Variants in BRF1 observed in about 807,000 individuals in gnomAD.
BRF1 encodes the protein BRF1 general transcription factor IIIB subunit.
A neutral mutation model predicts 81.7 loss-of-function variants in BRF1; 59 were observed. The observed-to-expected ratio is 0.72, with a 90% CI of 0.59 to 0.90. The LOEUF (loss-of-function observed/expected upper bound fraction) is 0.90, where lower values mean the gene tolerates loss of function less well. Among genes scored for constraint, BRF1 ranks in the 40% least tolerant of loss-of-function variants. BRF1 has a pLI of 0.00. For missense variants in BRF1, 1,050 were observed against 936.3 expected, an observed-to-expected ratio of 1.12 and a Z score of -1.58; for synonymous variants, 491 against 395.6, an observed-to-expected ratio of 1.24 and a Z score of -2.86.
In BRF1 at chr14:105,210,225, C is replaced by T. The variant is rs1889911098; in HGVS notation, c.*326G>A. The stretch of plus-strand genomic sequence containing the variant: ...GGACCAGCAGTGGGGCTGCCCCAAG[C>T]CTGTTTCCTTAATAGTAGCAACACC... On this transcript the variant is annotated 3_prime_UTR_variant, in exon 18 of 18. Transcript: ENST00000547530. The surrounding 1 kb of genome is among the most constrained non-coding windows in gnomAD (Gnocchi z 4.7). 3 of 391,308 alleles carry T rather than the reference C, an allele frequency of 7.7e-6. No homozygotes were observed. Among genetic ancestry groups the T allele is most frequent in the African/African-American group, 4.1e-5 (2 of 48,336 alleles). The allele number at this position is 391,308 out of a possible 1,614,324, so 24.2% of individuals were successfully genotyped here. A position where few individuals can be genotyped will look rare whatever the true frequency, so the allele number is the denominator to read the frequency against.
At chr14:105,292,857 A>C (rs1427975496) in intron 1 of BRF1, among the ~76,000 whole-genome samples, 2 of 151,158 alleles carry the variant, frequency 1.3e-5, no homozygotes, top group East Asian at 1.9e-4. Flanking sequence ...CCCCTTCCCC[A>C]GGCCCACATC....
rs908011002 is a variant in BRF1 at position 105,223,453 on chromosome 14, G to A, written c.1049-1539C>T. ...GCGTGACTCAACACACACCCTCAGC[G>A]TGCTGAAGGACTACCGACTGCCACG... On this transcript the variant is annotated intron_variant, in intron 10 of 17. Coordinates refer to ENST00000547530, the MANE Select transcript of BRF1 (RefSeq NM_001519.4). 2.6e-5 allele frequency among the ~76,000 whole-genome samples: 4 copies of A among 152,334 alleles called. No homozygotes were observed. In the South Asian group the frequency reaches 8.3e-4, roughly 32 times the overall value.
chr14:105,261,497 C>T (rs1220411605), intron 3 of BRF1, among the ~76,000 whole-genome samples: 3 of 152,202 alleles, frequency 2.0e-5, no homozygotes, highest in African/African-American at 7.2e-5. Context: ...CTGCCCACAC[C>T]CTGGCTGGCT....
At chr14:105,272,693 T>A (rs1420191344) in intron 3 of BRF1, 28 bp downstream of exon 3, 3 of 1,572,478 alleles carry the variant, frequency 1.9e-6, no homozygotes, top group Admixed American at 3.5e-5. Context: ...GATGGGGCCC[T>A]CTGGGAGGCT....
rs1595528438 is a variant in BRF1 at position 105,311,663 on chromosome 14, C to T, written c.-162+3659G>A. ...CTACTCTACAACCCCGGGGTTGATT[C>T]CAGGCCTCACTCTCAGCAGTTGAGC... On this transcript the variant is annotated intron_variant, in intron 1 of 17. Coordinates refer to the BRF1 transcript ENST00000327359. 5.3e-5 allele frequency among the ~76,000 whole-genome samples: 8 copies of T among 152,290 alleles called. 1 individual carries two copies. The South Asian group carries it at 1.7e-3, about 32-fold the overall frequency.
At chr14:105,301,504 G>C (rs2058025751), upstream of BRF1, among the ~76,000 whole-genome samples, 1 of 152,004 alleles carries the variant, frequency 6.6e-6, no homozygotes, top group South Asian at 2.1e-4. Context: ...GGCTCTGGGA[G>C]TGGTGGGCGG....
chr14:105,267,231 C>T (rs2056455909), intron 3 of BRF1, among the ~76,000 whole-genome samples: 1 of 152,214 alleles, frequency 6.6e-6, no homozygotes, highest in Non-Finnish European at 1.5e-5. Flanking sequence ...AAGACACCAC[C>T]GACAAGGGGC....
chr14:105,247,636 A>G (rs2816653), intron 5 of BRF1: 270,862 of 985,156 alleles, frequency 0.27, 37,705 homozygotes, highest in South Asian at 0.3. Context: ...CTGCGGTGAC[A>G]GGTGCACCCA....
rs769396533 is a variant in BRF1, at chr14:105,228,856, C to T, written c.752G>A (p.Ser251Asn). ...DFRRTVKEVI[S>N]VVKVCESTLR... ...CGTGGACTCACACACTTTGACCACA[C>T]TGATGACCTCCTTCACAGTCCTCCT... The change falls in exon 7 of 18, where the codon AGT (serine) becomes AAT (asparagine). Residue 251 changes from serine to asparagine, a missense_variant. Ser to Asn is a conservative substitution (Grantham distance 46). Around this residue, in one of 2 missense-constraint regions of BRF1, gnomAD observed 1,043 missense variants for 915.4 expected, o/e 1.14. Coordinates refer to ENST00000547530, the MANE Select transcript of BRF1 (RefSeq NM_001519.4). 9.3e-6 allele frequency: 15 copies of T among 1,613,954 alleles called. No individual in the cohort carries two copies. The highest frequency in any genetic ancestry group is 2.2e-5 in the South Asian group (2 of 91,092).
chr14:105,219,288 C>G, intron 12 of BRF1, 56 bp from the exon 13 acceptor site: 1 of 1,599,456 alleles, frequency 6.3e-7, no homozygotes, highest in South Asian at 1.1e-5. Flanking sequence ...CCGGGGCATG[C>G]TAAGGTCGCG....
chr14:105,245,502 G>A (rs927424080), intron 5 of BRF1, among the ~76,000 whole-genome samples: 1 of 152,240 alleles, frequency 6.6e-6, no homozygotes, highest in South Asian at 2.1e-4. Flanking sequence ...CCACTGTCAA[G>A]AAAAGAATTA....
intron 10 of BRF1, 61 bp from the exon 11 acceptor site, chr14:105,221,975 A>C: frequency 6.7e-7 from 1 of 1,491,712 alleles, no homozygotes; most frequent in South Asian, 1.3e-5. Context: ...CTTTTGTGAC[A>C]AAAAACAATG....
chr14:105,286,338 C>G lies in BRF1; in HGVS notation c.223G>C (p.Val75Leu). ...GCTCTCGACTCCTTCCCCAGATTCA[C>G]GTGGAAGCCGCCACCCAGAGTCGGG... Reference protein sequence around the residue: ...KTPTLGGGFHVNLGKESRAQT... With the variant: ...KTPTLGGGFHLNLGKESRAQT... The change falls in exon 2 of 18, where the codon GTG becomes CTG. Residue 75 changes from valine (V) to leucine (L), a missense_variant. Physicochemically the swap from Val to Leu is conservative, Grantham distance 32. Coordinates refer to ENST00000547530, the MANE Select transcript of BRF1 (RefSeq NM_001519.4). The G allele has an allele frequency of 6.2e-7, 1 of 1,613,754 alleles. No homozygotes were observed. Among genetic ancestry groups the G allele is most frequent in the African/African-American group, 1.3e-5 (1 of 75,062 alleles).
intron 15 of BRF1, 74 bp from the exon 16 acceptor site, chr14:105,212,238 A>G: frequency 2.6e-6 from 4 of 1,544,412 alleles, no homozygotes; most frequent in Middle Eastern, 1.7e-4. Context: ...CCTTTTGCCC[A>G]TCTTCCCTTT....
At chr14:105,286,818 T>C (rs1345558816) in intron 1 of BRF1, among the ~76,000 whole-genome samples, 1 of 152,212 alleles carries the variant, frequency 6.6e-6, no homozygotes, top group African/African-American at 2.4e-5. Flanking sequence ...CCTAACACAC[T>C]GCAAGTCCAG....
intron 1 of BRF1, among the ~76,000 whole-genome samples, chr14:105,299,440 T>C (rs1441628500): frequency 3.3e-5 from 5 of 152,158 alleles, no homozygotes; most frequent in Admixed American, 1.3e-4. Context: ...CACAGCATGG[T>C]GGCATGCACC....
intron 5 of BRF1, chr14:105,251,092 C>A: frequency 4.8e-6 from 1 of 207,200 alleles, no homozygotes; most frequent in South Asian, 1.1e-4. Flanking sequence ...CCTAAAATAA[C>A]ACCCACGTGT....
chr14:105,213,281 A>G (rs1485174293), intron 15 of BRF1: 1 of 152,224 alleles, frequency 6.6e-6, no homozygotes, highest in African/African-American at 2.4e-5. Flanking sequence ...CAGGCCTGGC[A>G]GTTGGGTGGG....
chr14:105,295,187 C>G (rs2057683471), intron 1 of BRF1, among the ~76,000 whole-genome samples: 3 of 151,394 alleles, frequency 2.0e-5, no homozygotes, highest in Admixed American at 6.6e-5. Context: ...ACATCCGGCG[C>G]TGAGCAAAGC....
Sources: allele counts gnomAD v4.1 joint callset (sites outside exome capture counted in the v4.1 genomes callset), GRCh38; gene constraint gnomAD v4.1.1; regional missense constraint gnomAD v4.1.1; non-coding constraint Gnocchi (gnomAD v3.1); transcripts MANE v1.5; gene names NCBI Gene and HGNC (gene_info 2026-07-23, HGNC 2026-07-21).